The following ELP4 variants were observed in gnomAD, a reference collection of about 807,000 sequenced individuals.
ELP4 encodes elongator complex protein 4.
In ELP4, 51 loss-of-function variants were observed where a neutral mutation model predicts 48.9. That is an observed-to-expected ratio of 1.04 (90% CI 0.83 to 1.32). ELP4 has a LOEUF of 1.32. Among genes scored for constraint, ELP4 ranks in the 40% most tolerant of loss-of-function variants. ELP4 has a pLI of 0.00. For synonymous variants in ELP4, 210 were observed against 189.2 expected (o/e 1.11, Z -0.90); for missense variants, 519 against 514.6 (o/e 1.01, Z -0.08).
chr11:31,767,144 A>G (rs1408767367), intron 9 of ELP4: 2 of 152,214 alleles, frequency 1.3e-5, no homozygotes, highest in Admixed American at 6.5e-5. Flanking sequence ...ATAACCCTGC[A>G]TAACAATTAC....
chr11:31,695,880 C>T (rs1440268687), intron 9 of ELP4, among the ~76,000 whole-genome samples: 1 of 150,894 alleles, frequency 6.6e-6, no homozygotes, highest in Non-Finnish European at 1.5e-5. Flanking sequence ...TCAACTTCTT[C>T]TTGGTTTAGT....
intron 9 of ELP4, among the ~76,000 whole-genome samples, chr11:31,730,080 G>C (rs1947153010): frequency 6.6e-6 from 1 of 152,160 alleles, no homozygotes; most frequent in South Asian, 2.1e-4. Flanking sequence ...CCACACCCCA[G>C]GCAAGTGCAA....
rs550721718 is a variant in ELP4, at chr11:31,741,489, C to T, written c.1144-41904C>T. 2.0e-5 allele frequency among the ~76,000 whole-genome samples: 3 copies of T among 152,300 alleles called. No individual in the cohort carries two copies. The South Asian group carries it at 6.2e-4, about 32-fold the overall frequency. On this transcript the variant is annotated intron_variant, in intron 9 of 9. Transcript: ENST00000640961. ...ACCCCCGAGTAGCCTAACTGGGAGACACCCCCCAGTAGGGGCGGACTGACA... is the reference window on the plus strand; with the variant it reads ...ACCCCCGAGTAGCCTAACTGGGAGATACCCCCCAGTAGGGGCGGACTGACA...
In ELP4 at chr11:31,777,174, AT is replaced by A. The variant is rs58039300; in HGVS notation, c.1144-6209del. ...GATTATATAATAGCATATAACATTG[AT>A]TTTTTTTTTGCAAGTTGAAACAACA... On this transcript the variant is annotated intron_variant, in intron 9 of 9. Coordinates refer to ENST00000640961, the MANE Select transcript of ELP4 (RefSeq NM_019040.5). Among the ~76,000 whole-genome samples the A allele has an allele frequency of 1.1e-4, 16 of 150,134 alleles. No homozygotes were observed. The East Asian group carries it at 1.9e-3, about 18-fold the overall frequency.
chr11:31,649,561 G>A (rs1945277636), intron 8 of ELP4: 1 of 151,732 alleles, frequency 6.6e-6, no homozygotes, highest in South Asian at 2.1e-4. Context: ...AGAAATGAGT[G>A]TCTTGGGATG....
chr11:31,631,670 G>A (rs1397857503), intron 6 of ELP4, among the ~76,000 whole-genome samples: 1 of 152,090 alleles, frequency 6.6e-6, no homozygotes, highest in African/African-American at 2.4e-5. Context: ...TTTACGAAGA[G>A]TGTTGAACTT....
chr11:31,566,420 T>G (rs188490574), intron 3 of ELP4, among the ~76,000 whole-genome samples: 9 of 152,100 alleles, frequency 5.9e-5, no homozygotes, highest in Non-Finnish European at 1.2e-4. Context: ...GACTTAAAAA[T>G]CACACTACTG....
At chr11:31,750,462 G>C (rs1189029402) in intron 9 of ELP4, among the ~76,000 whole-genome samples, 3 of 152,008 alleles carry the variant, frequency 2.0e-5, no homozygotes, top group Non-Finnish European at 2.9e-5. Flanking sequence ...CCCTGTCACG[G>C]TGGTCTTTCC....
At chr11:31,633,590 A>C (rs554424767) in intron 7 of ELP4, 6 of 152,178 alleles carry the variant, frequency 3.9e-5, no homozygotes, top group Admixed American at 3.3e-4. Context: ...ACATATCATA[A>C]GGAAACTCTT....
At chr11:31,769,871 T>C (rs924465290) in intron 9 of ELP4, among the ~76,000 whole-genome samples, 2 of 152,204 alleles carry the variant, frequency 1.3e-5, no homozygotes, top group African/African-American at 4.8e-5. Flanking sequence ...AAACTTAACA[T>C]TCAGATCTAA....
intron 9 of ELP4, among the ~76,000 whole-genome samples, chr11:31,739,857 T>G (rs991236956): frequency 6.6e-6 from 1 of 152,218 alleles, no homozygotes; most frequent in African/African-American, 2.4e-5. Flanking sequence ...CATTTATTTC[T>G]TATGTACAGA....
At chr11:31,595,208 A>G (rs922386469) in intron 4 of ELP4, among the ~76,000 whole-genome samples, 2 of 152,210 alleles carry the variant, frequency 1.3e-5, no homozygotes, top group African/African-American at 4.8e-5. Flanking sequence ...TAAATATTCA[A>G]TGTAAGTGAT....
intron 9 of ELP4, among the ~76,000 whole-genome samples, chr11:31,710,647 A>G (rs1319812716): frequency 6.6e-6 from 1 of 152,078 alleles, no homozygotes; most frequent in Non-Finnish European, 1.5e-5. Flanking sequence ...AAAGATATGA[A>G]ATAACTAAAA....
chr11:31,526,212 A>G (rs1392582307), intron 2 of ELP4, among the ~76,000 whole-genome samples: 1 of 152,148 alleles, frequency 6.6e-6, no homozygotes, highest in South Asian at 2.1e-4. Context: ...CCAAGATCAC[A>G]TATATGGTAG....
At chr11:31,736,891 T>C (rs1947331240) in intron 9 of ELP4, among the ~76,000 whole-genome samples, 1 of 152,210 alleles carries the variant, frequency 6.6e-6, no homozygotes, top group Admixed American at 6.5e-5. Context: ...AGTTCAACCA[T>C]TGTGGAAGTC....
chr11:31,695,059 A>G lies in ELP4; in HGVS notation c.1143+44838A>G, dbSNP rs578011784. Among the ~76,000 whole-genome samples, 1,141 of 152,226 alleles carry G rather than the reference A, an allele frequency of 7.5e-3. 8 individuals carry two copies. Among genetic ancestry groups the G allele is most frequent in the Non-Finnish European group, 0.013 (876 of 67,982 alleles). Reference sequence around the variant, plus strand: ...TATCAGCTTAAGGAGATTTTGGGCCAAGACAATGGGGTTTTCTAGATATAC... The same window carrying G: ...TATCAGCTTAAGGAGATTTTGGGCCGAGACAATGGGGTTTTCTAGATATAC... On this transcript the variant is annotated intron_variant, in intron 9 of 9. Coordinates refer to ENST00000640961, the MANE Select transcript of ELP4 (RefSeq NM_019040.5).
intron 2 of ELP4, among the ~76,000 whole-genome samples, chr11:31,524,463 T>C (rs921215499): frequency 1.3e-5 from 2 of 152,198 alleles, no homozygotes; most frequent in Admixed American, 1.3e-4. Context: ...CAAAATGTTA[T>C]AGGTTTTCAT....
chr11:31,588,453 C>T (rs1223509268), intron 3 of ELP4, among the ~76,000 whole-genome samples: 2 of 152,264 alleles, frequency 1.3e-5, no homozygotes, highest in African/African-American at 4.8e-5. Flanking sequence ...CTCTTAACAA[C>T]TTTGGTATTT....
intron 3 of ELP4, among the ~76,000 whole-genome samples, chr11:31,567,801 A>T (rs931877495): frequency 2.0e-5 from 3 of 152,226 alleles, no homozygotes; most frequent in Admixed American, 6.5e-5. Context: ...TAAATAATTT[A>T]AAAAGACCTT....
Sources: gnomAD v4.1 joint callset for allele counts (sites outside exome capture counted in the v4.1 genomes callset) on GRCh38, gnomAD v4.1.1 for gene constraint, MANE v1.5 for transcripts, NCBI Gene and HGNC (gene_info 2026-07-23, HGNC 2026-07-21) for gene names.